Variants in ADH1A observed in about 807,000 individuals in gnomAD.
ADH1A encodes alcohol dehydrogenase 1A (class I), alpha polypeptide.
A neutral mutation model predicts 35.2 loss-of-function variants in ADH1A; 29 were observed. The ratio of observed to expected loss-of-function variants is 0.82; its 90% confidence interval spans 0.61 to 1.12. The LOEUF (loss-of-function observed/expected upper bound fraction) is 1.12. Among genes scored for constraint, ADH1A ranks in the 50% most tolerant of loss-of-function variants. The pLI, the probability that ADH1A is intolerant of heterozygous loss-of-function variation, is 0.00. For missense variants in ADH1A, 469 were observed against 464.7 expected (o/e 1.01, Z -0.09); for synonymous variants, 147 against 164.8 (o/e 0.89, Z 0.83).
chr4:99,277,874 T>C (rs1240996906), intron 8 of ADH1A, among the ~76,000 whole-genome samples: 3 of 152,074 alleles, frequency 2.0e-5, no homozygotes, highest in Non-Finnish European at 4.4e-5. Flanking sequence ...TGTGTTTGAA[T>C]AGTTGATTAT....
At chr4:99,281,652 C>T (rs921309455) in intron 6 of ADH1A, among the ~76,000 whole-genome samples, 6 of 152,170 alleles carry the variant, frequency 3.9e-5, no homozygotes, top group African/African-American at 1.4e-4. Flanking sequence ...TGACAGGCTG[C>T]ACTGTGCTAA....
intron 3 of ADH1A, among the ~76,000 whole-genome samples, chr4:99,285,491 C>A (rs188640895): frequency 6.6e-6 from 1 of 152,090 alleles, no homozygotes; most frequent in Non-Finnish European, 1.5e-5. Context: ...TTTCCTGTTA[C>A]AGTGGAGGGA....
chr4:99,282,196 T>C, intron 6 of ADH1A, 150 bp downstream of exon 6: 1 of 1,457,108 alleles, frequency 6.9e-7, no homozygotes, highest in Non-Finnish European at 9.5e-7. Context: ...CTCATAACAA[T>C]AAATTAAACA....
At chr4:99,280,806 T>A (rs1031851742) in intron 6 of ADH1A, among the ~76,000 whole-genome samples, 1 of 152,220 alleles carries the variant, frequency 6.6e-6, no homozygotes, top group Non-Finnish European at 1.5e-5. Flanking sequence ...TGGACATGTT[T>A]TAAACATTGT....
chr4:99,280,201 A>G lies in ADH1A; in HGVS notation c.907T>C (p.Ser303Pro). 6.2e-7 allele frequency: 1 copy of G among 1,613,756 alleles called. No homozygotes were observed. Among genetic ancestry groups the G allele is most frequent in the Non-Finnish European group, 8.5e-7 (1 of 1,179,860 alleles). ...VGVPPDSQNLSMNPMLLLTGR... is the reference protein window; with the variant it reads ...VGVPPDSQNLPMNPMLLLTGR... ...GTCAGTAGCAGCATAGGGTTCATTG[A>G]GAGGTTTTGGGAATCAGGAGGTACC... is the stretch of plus-strand genomic sequence containing the variant. The change falls in exon 7 of 9, where the codon TCA becomes CCA. Residue 303 changes from serine (S) to proline (P), a missense_variant. By Grantham distance (74) the Ser-to-Pro change is moderately conservative (BLOSUM62 -1). Coordinates refer to ENST00000209668, the MANE Select transcript of ADH1A (RefSeq NM_000667.4).
intron 3 of ADH1A, 38 bp from the exon 4 acceptor site, chr4:99,284,841 T>C: frequency 6.4e-7 from 1 of 1,573,676 alleles, no homozygotes; most frequent in South Asian, 1.1e-5. Flanking sequence ...ACAATTTCTA[T>C]CCAGGTATTA....
intron 5 of ADH1A, among the ~76,000 whole-genome samples, chr4:99,284,033 A>G (rs1560518092): frequency 6.6e-6 from 1 of 152,176 alleles, no homozygotes; most frequent in Non-Finnish European, 1.5e-5. Context: ...CATTTCATTT[A>G]CTTTTGCTGT....
In ADH1A at chr4:99,290,907, G is replaced by A. The variant is rs781378584; in HGVS notation, c.8C>T (p.Thr3Ile). 3.1e-6 allele frequency: 5 copies of A among 1,613,850 alleles called. No homozygotes were observed. Among genetic ancestry groups the A allele is most frequent in the Admixed American group, 1.7e-5 (1 of 60,016 alleles). MS[T>I]AGKVIKCKAA... ...ATATTTTTTGCTTACTTTTCCTGCT[G>A]TGCTCATGTTGATTCTGTCTTCTCT... is the stretch of plus-strand genomic sequence containing the variant. The change falls in exon 1 of 9, where the codon ACA (threonine) becomes ATA (isoleucine). Residue 3 changes from threonine to isoleucine, a missense_variant. Transcript: ENST00000209668.
At chr4:99,288,782 C>T (rs1191785681) in intron 1 of ADH1A, 1 of 151,978 alleles carries the variant, frequency 6.6e-6, no homozygotes, top group African/African-American at 2.4e-5. Context: ...GTGGCCTGTG[C>T]TCGGTGAGTT....
chr4:99,290,466 C>G (rs1343937981), intron 1 of ADH1A, among the ~76,000 whole-genome samples: 1 of 152,126 alleles, frequency 6.6e-6, no homozygotes, highest in Non-Finnish European at 1.5e-5. Flanking sequence ...ATCAAATCCT[C>G]TCATAAAACT....
At position 99,276,383 on chromosome 4, in the gene ADH1A, G is replaced by A. The variant is rs755631911; in HGVS notation, c.*241C>T. On this transcript the variant is annotated 3_prime_UTR_variant, in exon 9 of 9. Transcript: ENST00000209668. Reference sequence around the variant, plus strand: ...CACAAGTAGAATGGTTAAGAAGGAAGGTTTATTGGCTTCAATTCCCCAGCT... The same window carrying A: ...CACAAGTAGAATGGTTAAGAAGGAAAGTTTATTGGCTTCAATTCCCCAGCT... 3.6e-6 allele frequency: 2 copies of A among 549,842 alleles called. No individual in the cohort carries two copies. The highest frequency in any genetic ancestry group is 3.3e-5 in the Admixed American group (1 of 30,086). The allele number at this position is 549,842 out of a possible 1,614,324, so 34.1% of individuals were successfully genotyped here. A position where few individuals can be genotyped will look rare whatever the true frequency, so the allele number is the denominator to read the frequency against.
chr4:99,284,890 T>C, intron 3 of ADH1A, 87 bp from the exon 4 acceptor site: 1 of 1,170,818 alleles, frequency 8.5e-7, no homozygotes, highest in Non-Finnish European at 1.2e-6. Flanking sequence ...CTTTAAAACA[T>C]TAGAAACATG....
At position 99,284,699 on chromosome 4, in the gene ADH1A, G is replaced by A. The variant is rs185707206; in HGVS notation, c.347+17C>T. On this transcript the variant is annotated intron_variant, in intron 4 of 8. Transcript: ENST00000209668. ...TGCAAACTCAATGTCTGCGCAGGGA[G>A]AGCATCAGAAACCTACTCGTTTTTC... 1.7e-5 allele frequency: 28 copies of A among 1,613,814 alleles called. No individual in the cohort carries two copies. The South Asian group carries it at 2.5e-4, about 15-fold the overall frequency.
Position 99,280,245 on chromosome 4 carries a change from C to T in ADH1A, c.863G>A (p.Gly288Asp), listed in dbSNP as rs1487497043. ...ASLLCCHEACGTSVIVGVPPD... is the reference protein window; with the variant it reads ...ASLLCCHEACDTSVIVGVPPD... ...AGGTACCCCTACGATGACACTTGTG[C>T]CACATGCCTCATGACAACATAACAG... The change falls in exon 7 of 9, where the codon GGC becomes GAC. Residue 288 changes from glycine (G) to aspartate (D), a missense_variant. Gly to Asp is a moderately conservative substitution (Grantham distance 94). Transcript: ENST00000209668. 1 of 1,613,728 alleles carries T rather than the reference C, an allele frequency of 6.2e-7. No homozygotes were observed.
intron 6 of ADH1A, among the ~76,000 whole-genome samples, chr4:99,280,574 T>C (rs1357904041): frequency 6.6e-6 from 1 of 152,240 alleles, no homozygotes; most frequent in Non-Finnish European, 1.5e-5. Flanking sequence ...GTCCAGTTCC[T>C]TATATAAGCA....
chr4:99,286,952 C>T lies in ADH1A; in HGVS notation c.157G>A (p.Val53Met). Residue 53 changes from valine to methionine, a missense_variant, in exon 3 of 9, where the codon GTG becomes ATG. Coordinates refer to ENST00000209668, the MANE Select transcript of ADH1A (RefSeq NM_000667.4). The stretch of plus-strand genomic sequence containing the variant: ...GGGGTCACCATGGTACCACTAACCA[C>T]GTGGTCATCTGTGCCACAGATTCCT... ...AVGICGTDDH[V>M]VSGTMVTPLP... is the part of the protein sequence containing the mutation. 2 of 1,614,178 alleles carry T rather than the reference C, an allele frequency of 1.2e-6. No homozygotes were observed. Among genetic ancestry groups the T allele is most frequent in the East Asian group, 4.5e-5 (2 of 44,886 alleles).
intron 8 of ADH1A, among the ~76,000 whole-genome samples, chr4:99,277,473 G>T (rs1163622097): frequency 2.0e-5 from 3 of 151,792 alleles, no homozygotes; most frequent in African/African-American, 7.3e-5. Flanking sequence ...ATATGTATTT[G>T]CATATGCATA....
In ADH1A at chr4:99,284,454, C is replaced by A; in HGVS notation, c.512G>T (p.Cys171Phe). 6.2e-7 allele frequency: 1 copy of A among 1,614,138 alleles called. No individual in the cohort carries two copies. The highest frequency in any genetic ancestry group is 1.1e-5 in the South Asian group (1 of 91,080). Reference protein sequence around the residue: ...IDAASPLEKVCLIGCGFSTGY... With the variant: ...IDAASPLEKVFLIGCGFSTGY... ...AGTTGAAAATCCACAGCCAATGAGA[C>A]AGACTTTCTCTAGAGGCGAGGCTGC... Residue 171 changes from cysteine to phenylalanine, a missense_variant, in exon 5 of 9, where the codon TGT (cysteine) becomes TTT (phenylalanine). Physicochemically the swap from Cys to Phe is radical, Grantham distance 205 (BLOSUM62 -2). Transcript: ENST00000209668.
intron 2 of ADH1A, among the ~76,000 whole-genome samples, 193 bp downstream of exon 2, chr4:99,287,371 C>T (rs1323217230): frequency 6.6e-6 from 1 of 152,126 alleles, no homozygotes; most frequent in African/African-American, 2.4e-5. Flanking sequence ...TGTACAAACA[C>T]ATAAATTCTT....
Sources: gnomAD v4.1 joint callset for allele counts (sites outside exome capture counted in the v4.1 genomes callset) on GRCh38, gnomAD v4.1.1 for gene constraint, MANE v1.5 for transcripts, NCBI Gene and HGNC (gene_info 2026-07-23, HGNC 2026-07-21) for gene names.